Variants in MEI4 observed in about 807,000 individuals in gnomAD.
MEI4 encodes the protein meiosis-specific protein MEI4.
A neutral mutation model predicts 31.4 loss-of-function variants in MEI4; 27 were observed. That is an observed-to-expected ratio of 0.86 (90% CI 0.63 to 1.19). The LOEUF (loss-of-function observed/expected upper bound fraction) is 1.19. Ranked by LOEUF, MEI4 falls within the 50% of genes most tolerant of loss-of-function variation. The pLI, the probability that MEI4 is intolerant of heterozygous loss-of-function variation, is 0.00. For synonymous variants in MEI4, 122 were observed against 145.4 expected (o/e 0.84, Z 1.16); for missense variants, 329 against 398.9 (o/e 0.82, Z 1.49).
intron 4 of MEI4, among the ~76,000 whole-genome samples, chr6:77,871,507 G>A (rs1484516819): frequency 6.6e-6 from 1 of 151,942 alleles, no homozygotes. Context: ...GGTACACCTG[G>A]ACATACAGAT....
At chr6:77,860,583 G>A (rs1352617245) in intron 4 of MEI4, among the ~76,000 whole-genome samples, 1 of 151,972 alleles carries the variant, frequency 6.6e-6, no homozygotes, top group African/African-American at 2.4e-5. Flanking sequence ...ACATTTCAAA[G>A]TATTTTATAT....
At chr6:77,888,518 T>G (rs1158033057) in intron 4 of MEI4, among the ~76,000 whole-genome samples, 1 of 152,184 alleles carries the variant, frequency 6.6e-6, no homozygotes, top group Non-Finnish European at 1.5e-5. Flanking sequence ...AAGTGTTTCT[T>G]GAAGAGCTAG....
At chr6:77,911,913 G>C (rs1766443598) in intron 4 of MEI4, among the ~76,000 whole-genome samples, 1 of 151,684 alleles carries the variant, frequency 6.6e-6, no homozygotes, top group Admixed American at 6.6e-5. Flanking sequence ...CTAGAAAAAT[G>C]TCCTGAAGTG....
chr6:77,833,668 T>C (rs570565032), intron 4 of MEI4, among the ~76,000 whole-genome samples: 9 of 152,140 alleles, frequency 5.9e-5, no homozygotes, highest in East Asian at 3.9e-4. Context: ...GTGCTGAACA[T>C]GAAGGTTTGT....
intron 1 of MEI4, among the ~76,000 whole-genome samples, chr6:77,680,637 C>T (rs1768940226): frequency 6.6e-6 from 1 of 152,080 alleles, no homozygotes; most frequent in South Asian, 2.1e-4. Flanking sequence ...TGGAAGGGCT[C>T]CATATTTGTG....
intron 1 of MEI4, among the ~76,000 whole-genome samples, chr6:77,678,506 T>C (rs1199683279): frequency 9.6e-6 from 1 of 104,452 alleles, no homozygotes; most frequent in Non-Finnish European, 2.0e-5. Flanking sequence ...CTCATAAGAT[T>C]ATAATGAAGC....
intron 4 of MEI4, among the ~76,000 whole-genome samples, chr6:77,904,825 C>T (rs111626092): frequency 1.3e-5 from 2 of 152,102 alleles, no homozygotes; most frequent in Non-Finnish European, 2.9e-5. Flanking sequence ...TTTTCAGTTT[C>T]ACAATTTGCA....
At chr6:77,686,887 A>G (rs1402471410) in intron 1 of MEI4, among the ~76,000 whole-genome samples, 1 of 57,214 alleles carries the variant, frequency 1.7e-5, no homozygotes, top group Non-Finnish European at 5.5e-5. Flanking sequence ...TTTTTTTTGT[A>G]GATGTTTCAT....
intron 3 of MEI4, among the ~76,000 whole-genome samples, chr6:77,791,424 C>T (rs907047935): frequency 1.0e-4 from 15 of 149,808 alleles, no homozygotes; most frequent in South Asian, 6.4e-4. Flanking sequence ...AGTAAACTAT[C>T]GCAAGAACAA....
chr6:77,838,917 T>C (rs1582201128), intron 4 of MEI4, among the ~76,000 whole-genome samples: 1 of 150,488 alleles, frequency 6.6e-6, no homozygotes. Flanking sequence ...AAAAAAAAAG[T>C]CAACTACCTG....
At chr6:77,884,955 T>A (rs185840417) in intron 4 of MEI4, among the ~76,000 whole-genome samples, 2 of 152,288 alleles carry the variant, frequency 1.3e-5, no homozygotes, top group East Asian at 3.9e-4. Flanking sequence ...GTATGGTCAT[T>A]TTAACAAGAT....
chr6:77,835,355 C>A (rs1582197377), intron 4 of MEI4, among the ~76,000 whole-genome samples: 1 of 128,228 alleles, frequency 7.8e-6, no homozygotes, highest in African/African-American at 3.0e-5. Context: ...AGTGAAACTC[C>A]ATAAGAAAAC....
chr6:77,677,772 C>A (rs1768871632), intron 1 of MEI4, among the ~76,000 whole-genome samples: 2 of 152,114 alleles, frequency 1.3e-5, no homozygotes, highest in Non-Finnish European at 2.9e-5. Context: ...GCAGAAAAAT[C>A]CTTTCATCCA....
intron 2 of MEI4, among the ~76,000 whole-genome samples, chr6:77,734,362 T>C (rs1467485630): frequency 6.6e-6 from 1 of 152,122 alleles, no homozygotes; most frequent in African/African-American, 2.4e-5. Context: ...TAGCTCTTCT[T>C]GTTGAATTGA....
intron 4 of MEI4, among the ~76,000 whole-genome samples, chr6:77,859,071 G>C (rs916658478): frequency 6.6e-6 from 1 of 152,130 alleles, no homozygotes; most frequent in African/African-American, 2.4e-5. Context: ...CCCTGTCTGT[G>C]ACCATGTGTC....
intron 2 of MEI4, among the ~76,000 whole-genome samples, chr6:77,736,908 T>G (rs1434531465): frequency 2.0e-5 from 3 of 152,086 alleles, no homozygotes; most frequent in African/African-American, 7.3e-5. Context: ...ATGGATAGGA[T>G]TTAGAGAGCT....
chr6:77,780,601 G>T (rs1449618140), intron 3 of MEI4, among the ~76,000 whole-genome samples: 6 of 151,972 alleles, frequency 3.9e-5, no homozygotes, highest in Non-Finnish European at 8.8e-5. Context: ...CCTTCTCCTG[G>T]TTTATCTTTT....
At chr6:77,798,229 AGAAG>A (rs1398923414) in intron 3 of MEI4, among the ~76,000 whole-genome samples, 3 of 151,740 alleles carry the variant, frequency 2.0e-5, no homozygotes, top group African/African-American at 4.8e-5. Context: ...AAGGTAGTAA[AGAAG>A]GAAGAGTGGA....
rs1768962368 is a variant in MEI4 at position 77,681,806 on chromosome 6, GA to G, written c.-14-8850del. On this transcript the variant is annotated intron_variant, in intron 1 of 4. Coordinates refer to ENST00000684080, the MANE Select transcript of MEI4 (RefSeq NM_001322247.2). ...TTTGATGGGAACAGAAGGAAAAAAA[GA>G]AGCCTGTATCCTTTTATCTTTGCAA... 6.6e-5 allele frequency among the ~76,000 whole-genome samples: 10 copies of G among 152,276 alleles called. No homozygotes were observed. The South Asian group carries it at 2.1e-3, about 32-fold the overall frequency.
Sources: gnomAD v4.1 joint callset for allele counts (sites outside exome capture counted in the v4.1 genomes callset) on GRCh38, gnomAD v4.1.1 for gene constraint, MANE v1.5 for transcripts, NCBI Gene and HGNC (gene_info 2026-07-23, HGNC 2026-07-21) for gene names.